The following CASP10 variants were observed in gnomAD, a reference collection of about 807,000 sequenced individuals.
The protein encoded by CASP10 is caspase 10.
CASP10 carries 41 observed loss-of-function variants against 48.5 expected under a neutral mutation model. The ratio of observed to expected loss-of-function variants is 0.85; its 90% CI spans 0.66 to 1.10. The LOEUF (loss-of-function observed/expected upper bound fraction) is 1.10. Among genes scored for constraint, CASP10 ranks in the 50% least tolerant of loss-of-function variants. CASP10 has a pLI of 0.00. For synonymous variants in CASP10, 232 were observed against 238.4 expected (o/e 0.97, Z 0.25); for missense variants, 614 against 614.5 (o/e 1.00, Z 0.01).
intron 5 of CASP10, chr2:201,200,699 A>T (rs1369280129): frequency 7.7e-7 from 1 of 1,296,756 alleles, no homozygotes; most frequent in Admixed American, 3.4e-5. Flanking sequence ...GATTAAGTAC[A>T]TCCTTAATTA....
chr2:201,187,887 AT>A, intron 3 of CASP10, 88 bp downstream of exon 3: 1 of 955,246 alleles, frequency 1.0e-6, no homozygotes, highest in Non-Finnish European at 1.7e-6. Context: ...AGGGAGATTT[AT>A]TTTTTATGGG....
At chr2:201,201,674 C>T (rs1239924691) in intron 5 of CASP10, among the ~76,000 whole-genome samples, 2 of 152,140 alleles carry the variant, frequency 1.3e-5, no homozygotes, top group Non-Finnish European at 2.9e-5. Flanking sequence ...CAGCATCTCA[C>T]GTGTTTTCAC....
chr2:201,200,984 G>T (rs761416086), intron 5 of CASP10, among the ~76,000 whole-genome samples: 1 of 152,012 alleles, frequency 6.6e-6, no homozygotes, highest in African/African-American at 2.4e-5. Flanking sequence ...CTGGCCATGG[G>T]CACAGCTTTG....
chr2:201,207,689 G>A (rs1945252385), intron 7 of CASP10, among the ~76,000 whole-genome samples: 2 of 151,912 alleles, frequency 1.3e-5, no homozygotes, highest in South Asian at 4.2e-4. Context: ...CCCAGGAGGT[G>A]GAGGTTGCAG....
downstream of CASP10, among the ~76,000 whole-genome samples, chr2:201,225,782 G>C (rs1043643743): frequency 2.6e-5 from 4 of 152,166 alleles, no homozygotes; most frequent in Non-Finnish European, 5.9e-5. Context: ...GACCAGCCTG[G>C]CCAACTTGGT....
chr2:201,228,235 C>T (rs111484211), intron 9 of CASP10, among the ~76,000 whole-genome samples: 1,851 of 152,148 alleles, frequency 0.012, 30 homozygotes, highest in African/African-American at 0.041. Flanking sequence ...ACTCAGTGGC[C>T]GAGGCACAAG....
chr2:201,197,178 T>C (rs1320636525), intron 5 of CASP10, among the ~76,000 whole-genome samples: 1 of 152,004 alleles, frequency 6.6e-6, no homozygotes, highest in East Asian at 1.9e-4. Context: ...GGTTTTGCTA[T>C]GTTGCCCAGG....
chr2:201,201,505 C>T (rs1169149722), intron 5 of CASP10, among the ~76,000 whole-genome samples: 5 of 152,102 alleles, frequency 3.3e-5, no homozygotes, highest in East Asian at 3.9e-4. Flanking sequence ...CGATTCTGCT[C>T]GTTGTCTTTG....
intron 1 of CASP10, among the ~76,000 whole-genome samples, chr2:201,183,845 T>C (rs1015670194): frequency 6.7e-6 from 1 of 150,260 alleles, no homozygotes; most frequent in Non-Finnish European, 1.5e-5. Context: ...ATTTTTGCTG[T>C]GTCTTCCTTC....
In CASP10 at chr2:201,185,901, C is replaced by A. The variant is rs1944398571; in HGVS notation, c.124C>A (p.Leu42Ile). The A allele has an allele frequency of 6.2e-7, 1 of 1,614,146 alleles. No individual in the cohort carries two copies. The highest frequency in any genetic ancestry group is 2.2e-5 in the East Asian group (1 of 44,890). The change falls in exon 2 of 10, where the codon CTC becomes ATC. Residue 42 changes from leucine (L) to isoleucine (I), a missense_variant. Physicochemically the swap from Leu to Ile is conservative, Grantham distance 5. Coordinates refer to ENST00000286186, the MANE Select transcript of CASP10 (RefSeq NM_032977.4). ...CCAAGATGTGGAGAACCTCAAGTTTCTCTGCATAGGATTGGTCCCCAACAA... is the reference window on the plus strand; with the variant it reads ...CCAAGATGTGGAGAACCTCAAGTTTATCTGCATAGGATTGGTCCCCAACAA... ...GVQDVENLKF[L>I]CIGLVPNKKL...
chr2:201,186,937 C>G (rs919476271), intron 2 of CASP10, among the ~76,000 whole-genome samples: 4 of 152,174 alleles, frequency 2.6e-5, no homozygotes, highest in African/African-American at 9.7e-5. Context: ...ATCCACGCAC[C>G]TCGGCCTCCC....
At chr2:201,223,974 CTT>C (rs1176568608), downstream of CASP10, among the ~76,000 whole-genome samples, 12 of 137,100 alleles carry the variant, frequency 8.8e-5, no homozygotes, top group Admixed American at 2.2e-4. Context: ...GAACTCTTTT[CTT>C]TTTTTTTTTT....
intron 1 of CASP10, 105 bp downstream of exon 1, chr2:201,183,413 G>A (rs539294787): frequency 6.7e-4 from 102 of 152,228 alleles, no homozygotes; most frequent in African/African-American, 2.2e-3. Flanking sequence ...GTCAGCAATG[G>A]CACTATTTTT....
At chr2:201,191,318 T>C (rs1204454348) in intron 3 of CASP10, among the ~76,000 whole-genome samples, 1 of 152,202 alleles carries the variant, frequency 6.6e-6, no homozygotes, top group Non-Finnish European at 1.5e-5. Flanking sequence ...TGGCATGGAA[T>C]TGTGATATTA....
intron 7 of CASP10, among the ~76,000 whole-genome samples, chr2:201,206,899 T>C (rs1184518313): frequency 6.6e-6 from 1 of 152,212 alleles, no homozygotes; most frequent in Non-Finnish European, 1.5e-5. Flanking sequence ...GTTGCTAATA[T>C]GAAAGTGAAG....
In CASP10 at chr2:201,218,182, AAATAC is replaced by A; in HGVS notation, c.*442_*446del. ...AGTGATCCTCCCACCTCTGTCCCCA[AAATAC>A]TGGGATTATAGGCACGAGCCACCAC... is the stretch of plus-strand genomic sequence containing the variant. On this transcript the variant is annotated 3_prime_UTR_variant, in exon 10 of 10. Transcript: ENST00000286186. 1 of 1,032,694 alleles carries A rather than the reference AAATAC, an allele frequency of 9.7e-7. No individual in the cohort carries two copies. The highest frequency in any genetic ancestry group is 1.2e-6 in the Non-Finnish European group (1 of 856,962). 64.0% of individuals were successfully genotyped at this position (1,032,694 alleles called of 1,614,324 possible). A position where few individuals can be genotyped will look rare whatever the true frequency, so the allele number is the denominator to read the frequency against.
At chr2:201,194,810 G>A (rs920997826) in intron 4 of CASP10, among the ~76,000 whole-genome samples, 4 of 151,992 alleles carry the variant, frequency 2.6e-5, no homozygotes, top group Non-Finnish European at 4.4e-5. Context: ...ATGGAGTCTC[G>A]CTCTGTTGCC....
At chr2:201,186,873 GA>G (rs1944433174) in intron 2 of CASP10, among the ~76,000 whole-genome samples, 1 of 152,084 alleles carries the variant, frequency 6.6e-6, no homozygotes, top group Non-Finnish European at 1.5e-5. Flanking sequence ...TTTTAGTAGA[GA>G]CAGGGTTTCC....
chr2:201,193,368 T>C (rs1487822029), intron 4 of CASP10: 2 of 379,290 alleles, frequency 5.3e-6, no homozygotes, highest in Non-Finnish European at 1.0e-5. Flanking sequence ...CCACCACGCC[T>C]GGCTAATTTT....
Sources: gnomAD v4.1 joint callset for allele counts (sites outside exome capture counted in the v4.1 genomes callset) on GRCh38, gnomAD v4.1.1 for gene constraint, MANE v1.5 for transcripts, NCBI Gene and HGNC (gene_info 2026-07-23, HGNC 2026-07-21) for gene names.